FOXP1: variants seen among roughly 807,000 people sequenced by gnomAD.
FOXP1 encodes forkhead box P1.
Under a neutral mutation model 98.2 loss-of-function variants are expected in FOXP1, and 15 were observed. The observed-to-expected ratio is 0.15, with a 90% CI of 0.10 to 0.24. The LOEUF (loss-of-function observed/expected upper bound fraction) is 0.24. Ranked by LOEUF, FOXP1 falls within the 10% of genes least tolerant of loss-of-function variation. The pLI, the probability that FOXP1 is intolerant of heterozygous loss-of-function variation, is 1.00. For synonymous variants in FOXP1, 371 were observed against 314.5 expected (o/e 1.18, Z -1.90); for missense variants, 633 against 848.5 (o/e 0.75, Z 3.15).
chr3:71,531,287 C>G (rs1393221970), intron 2 of FOXP1, among the ~76,000 whole-genome samples: 1 of 152,212 alleles, frequency 6.6e-6, no homozygotes, highest in African/African-American at 2.4e-5. Flanking sequence ...CAAGGTCACT[C>G]AGAAGGGGCC....
chr3:71,385,314 TA>T (rs2080485278), intron 3 of FOXP1, among the ~76,000 whole-genome samples: 2 of 152,212 alleles, frequency 1.3e-5, no homozygotes, highest in Non-Finnish European at 2.9e-5. Flanking sequence ...ATAAATCACC[TA>T]ACATTTACTA....
intron 3 of FOXP1, among the ~76,000 whole-genome samples, chr3:71,389,327 G>T (rs1413877410): frequency 6.7e-6 from 1 of 148,444 alleles, no homozygotes; most frequent in Non-Finnish European, 1.5e-5. Flanking sequence ...GGGAGGGTCT[G>T]TGGCTCACAA....
chr3:71,295,885 C>A (rs2073237553), intron 5 of FOXP1, among the ~76,000 whole-genome samples: 1 of 152,210 alleles, frequency 6.6e-6, no homozygotes, highest in Non-Finnish European at 1.5e-5. Context: ...TCCATCTTGA[C>A]ATTCTGGATG....
intron 14 of FOXP1, 115 bp downstream of exon 14, chr3:70,987,879 A>G (rs2040002252): frequency 2.2e-6 from 2 of 915,452 alleles, no homozygotes; most frequent in Admixed American, 1.9e-5. Context: ...AAGGCCCTCA[A>G]AACTCAAAGC....
chr3:71,194,593 G>GA (rs11411957), intron 6 of FOXP1, among the ~76,000 whole-genome samples: 150,020 of 150,570 alleles, frequency 1, 74,737 homozygotes, highest in Middle Eastern at 1. Context: ...TTTCTTTAAG[G>GA]AAAAAAAAAA....
At chr3:71,446,041 GTGAGTGA>G (rs1191512035) in intron 3 of FOXP1, among the ~76,000 whole-genome samples, 53 of 8,168 alleles carry the variant, frequency 6.5e-3, no homozygotes, top group African/African-American at 0.026. Flanking sequence ...TCATAGGTGA[GTGAGTGA>G]GTGAGTGAGT....
intron 3 of FOXP1, among the ~76,000 whole-genome samples, chr3:71,455,509 G>A (rs958191633): frequency 2.0e-5 from 3 of 152,118 alleles, no homozygotes; most frequent in African/African-American, 7.2e-5. Flanking sequence ...TTTAAGAAAA[G>A]ACTGCTTTTG....
At chr3:71,427,769 T>TGGCTTTCA (rs1430342470) in intron 3 of FOXP1, among the ~76,000 whole-genome samples, 3 of 152,146 alleles carry the variant, frequency 2.0e-5, no homozygotes, top group Non-Finnish European at 4.4e-5. Flanking sequence ...AGAGGATGCC[T>TGGCTTTCA]GGCTTTCAGG....
chr3:71,489,226 C>T (rs2090889443), intron 3 of FOXP1, among the ~76,000 whole-genome samples: 1 of 152,190 alleles, frequency 6.6e-6, no homozygotes. Context: ...GGATGCATTT[C>T]CCTTGTTTTT....
chr3:71,138,196 T>G (rs2059910788), intron 6 of FOXP1, among the ~76,000 whole-genome samples: 1 of 152,202 alleles, frequency 6.6e-6, no homozygotes, highest in Non-Finnish European at 1.5e-5. Context: ...AGAACACACG[T>G]GGAGGAAGAA....
intron 5 of FOXP1, among the ~76,000 whole-genome samples, chr3:71,213,439 TGAAA>T (rs2064657880): frequency 6.6e-6 from 1 of 152,236 alleles, no homozygotes; most frequent in Non-Finnish European, 1.5e-5. Flanking sequence ...GAACTGTATC[TGAAA>T]GAGTTTTTTC....
chr3:71,260,582 G>A (rs533347292), intron 5 of FOXP1, among the ~76,000 whole-genome samples: 15 of 138,152 alleles, frequency 1.1e-4, no homozygotes, highest in South Asian at 4.6e-4. Context: ...TTTCTCTGTC[G>A]CCCAGGCTGG....
At chr3:70,998,944 T>C (rs2041760113) in intron 13 of FOXP1, among the ~76,000 whole-genome samples, 1 of 152,232 alleles carries the variant, frequency 6.6e-6, no homozygotes, top group African/African-American at 2.4e-5. Context: ...TAGAAACGGC[T>C]ACCCGACAAA....
intron 3 of FOXP1, among the ~76,000 whole-genome samples, chr3:71,469,329 C>T (rs1038548893): frequency 9.2e-5 from 14 of 152,256 alleles, no homozygotes; most frequent in Admixed American, 7.8e-4. Flanking sequence ...GACTTCAGAA[C>T]GGATAGCAAT....
intron 6 of FOXP1, among the ~76,000 whole-genome samples, chr3:71,162,439 C>G (rs1216203911): frequency 6.6e-6 from 1 of 152,192 alleles, no homozygotes; most frequent in Non-Finnish European, 1.5e-5. Context: ...AAGTTTTATT[C>G]TGACTGAAGG....
In FOXP1 at chr3:70,977,714, CAAT is replaced by C; in HGVS notation, c.1354_1356del (p.Ile452del). 6.2e-7 allele frequency: 1 copy of C among 1,614,124 alleles called. No homozygotes were observed. ...TTCTTATAAAATTCTTGGTTCTGCG[CAAT>C]ATCTGCTGAATAAGAATCATTGTCC... On this transcript the variant is annotated inframe_deletion, in exon 16 of 21. Coordinates refer to ENST00000649528, the MANE Select transcript of FOXP1 (RefSeq NM_001349338.3).
At chr3:71,254,262 T>C (rs551804530) in intron 5 of FOXP1, among the ~76,000 whole-genome samples, 8 of 152,254 alleles carry the variant, frequency 5.3e-5, no homozygotes, top group South Asian at 2.1e-4. Flanking sequence ...TGTAAGAATA[T>C]TGGGAGGAGA....
chr3:71,437,918 C>A (rs913713393), intron 3 of FOXP1, among the ~76,000 whole-genome samples: 1 of 152,098 alleles, frequency 6.6e-6, no homozygotes, highest in Admixed American at 6.5e-5. Context: ...AAGCTGTGTA[C>A]ACGAAATTGA....
At chr3:71,056,739 C>A (rs1299583368) in intron 7 of FOXP1, among the ~76,000 whole-genome samples, 1 of 151,790 alleles carries the variant, frequency 6.6e-6, no homozygotes, top group African/African-American at 2.4e-5. Flanking sequence ...TCTGTTCTAA[C>A]ATATCATGAA....
Sources: allele counts gnomAD v4.1 joint callset (sites outside exome capture counted in the v4.1 genomes callset), GRCh38; gene constraint gnomAD v4.1.1; transcripts MANE v1.5; gene names NCBI Gene and HGNC (gene_info 2026-07-23, HGNC 2026-07-21).